Variants in RORA observed in about 807,000 individuals in gnomAD.
RORA encodes nuclear receptor ROR-alpha.
In RORA, 7 loss-of-function variants were observed where a neutral mutation model predicts 69.5. That is an observed-to-expected ratio of 0.10 (90% CI 0.06 to 0.19). The LOEUF is 0.19. RORA is among the 10% of genes least tolerant of loss of function. The pLI is 1.00. For synonymous variants in RORA, 261 were observed against 240.8 expected (o/e 1.08, Z -0.78); for missense variants, 457 against 663.0 (o/e 0.69, Z 3.41).
At chr15:61,008,207 G>C (rs62005614) in intron 1 of RORA, among the ~76,000 whole-genome samples, 2,587 of 23,604 alleles carry the variant, frequency 0.11, 17 homozygotes, top group Middle Eastern at 0.21. Context: ...CTCTCTCTGT[G>C]TGTGTGTGTG....
chr15:61,167,482 A>ATTTTTTT (rs199752865), intron 1 of RORA, among the ~76,000 whole-genome samples: 27 of 133,668 alleles, frequency 2.0e-4, no homozygotes, highest in South Asian at 7.5e-4. Context: ...TTTGACCAGG[A>ATTTTTTT]TTTTTTTTTT....
intron 1 of RORA, among the ~76,000 whole-genome samples, chr15:60,923,859 G>A (rs1236135499): frequency 5.3e-5 from 8 of 152,178 alleles, no homozygotes; most frequent in Admixed American, 5.2e-4. Flanking sequence ...GCTAGCTGTG[G>A]TTCTGCTAAG....
chr15:60,725,712 T>A (rs2071348445), intron 1 of RORA, among the ~76,000 whole-genome samples: 1 of 152,212 alleles, frequency 6.6e-6, no homozygotes, highest in Admixed American at 6.5e-5. Flanking sequence ...TGACAAGAGA[T>A]CATTGTGACT....
intron 1 of RORA, among the ~76,000 whole-genome samples, chr15:61,123,459 G>T (rs958770416): frequency 6.6e-5 from 10 of 152,134 alleles, no homozygotes; most frequent in Admixed American, 1.3e-4. Flanking sequence ...ATATTAGGGG[G>T]CACATGAAGA....
chr15:60,754,860 C>A (rs28378989), intron 1 of RORA, among the ~76,000 whole-genome samples: 31,397 of 151,982 alleles, frequency 0.21, 3,855 homozygotes, highest in African/African-American at 0.35. Context: ...CACTTCCCTT[C>A]GACTCCTTTC....
intron 1 of RORA, among the ~76,000 whole-genome samples, chr15:60,901,912 C>A (rs1208764835): frequency 1.3e-5 from 2 of 152,186 alleles, no homozygotes; most frequent in Non-Finnish European, 2.9e-5. Flanking sequence ...CGGTGCCTGA[C>A]AGATGTCAAG....
intron 1 of RORA, among the ~76,000 whole-genome samples, chr15:60,973,385 C>G (rs1278023018): frequency 3.3e-5 from 5 of 152,170 alleles, no homozygotes; most frequent in Non-Finnish European, 5.9e-5. Flanking sequence ...GAGCCACTGA[C>G]TTTTTCCTGC....
At chr15:60,604,498 T>C (rs952582006) in intron 2 of RORA, among the ~76,000 whole-genome samples, 2 of 152,246 alleles carry the variant, frequency 1.3e-5, no homozygotes, top group Non-Finnish European at 2.9e-5. Flanking sequence ...GTAAACCTGA[T>C]TCGTCACTCT....
At chr15:60,925,377 G>A (rs1892183734) in intron 1 of RORA, among the ~76,000 whole-genome samples, 2 of 152,208 alleles carry the variant, frequency 1.3e-5, no homozygotes, top group African/African-American at 4.8e-5. Context: ...ACTGAAAGGA[G>A]ACAGGCTGGA....
At chr15:60,549,026 G>A (rs1242817763) in intron 2 of RORA, among the ~76,000 whole-genome samples, 1 of 152,156 alleles carries the variant, frequency 6.6e-6, no homozygotes, top group African/African-American at 2.4e-5. Context: ...TGGTCTTGTG[G>A]AAGAAAACAG....
At chr15:60,702,615 G>C (rs567637674) in intron 1 of RORA, among the ~76,000 whole-genome samples, 1 of 152,324 alleles carries the variant, frequency 6.6e-6, no homozygotes, top group East Asian at 1.9e-4. Context: ...AATAACCTTA[G>C]GAAGTCACAT....
At chr15:60,529,459 T>C (rs2066465110) in intron 3 of RORA, 1 of 152,196 alleles carries the variant, frequency 6.6e-6, no homozygotes, top group African/African-American at 2.4e-5. Flanking sequence ...ACATGAAACA[T>C]TGTTCAAGTC....
At chr15:60,592,295 G>T in intron 2 of RORA, 1 of 945,282 alleles carries the variant, frequency 1.1e-6, no homozygotes, top group Non-Finnish European at 1.4e-6. Flanking sequence ...CGTGCGTTCG[G>T]GCAGGCGCGC....
intron 1 of RORA, among the ~76,000 whole-genome samples, chr15:60,935,202 A>T (rs570364094): frequency 6.6e-6 from 1 of 152,360 alleles, no homozygotes; most frequent in South Asian, 2.1e-4. Context: ...CTTGCCAACC[A>T]GTCATTTGTT....
Position 60,792,824 on chromosome 15 carries a change from C to T in RORA, c.167-114138G>A, listed in dbSNP as rs190548246. ...GACACCAAATGGTAACTCAGATCTA[C>T]AGGGAGGAGTGAGGATCACTGGAAA... On this transcript the variant is annotated intron_variant, in intron 1 of 10. Coordinates refer to ENST00000335670, the MANE Select transcript of RORA (RefSeq NM_134261.3). Among the ~76,000 whole-genome samples the T allele has an allele frequency of 1.1e-3, 173 of 152,290 alleles. 2 individuals are homozygous for T. The highest frequency in any genetic ancestry group is 0.011 in the Admixed American group (168 of 15,306).
intron 1 of RORA, among the ~76,000 whole-genome samples, chr15:61,065,609 G>A (rs1319400134): frequency 6.6e-6 from 1 of 152,174 alleles, no homozygotes; most frequent in Non-Finnish European, 1.5e-5. Context: ...GCCTGGGAGA[G>A]GCTGGTCAGA....
At chr15:61,098,251 C>T (rs1029866897) in intron 1 of RORA, among the ~76,000 whole-genome samples, 3 of 144,562 alleles carry the variant, frequency 2.1e-5, no homozygotes, top group Admixed American at 6.9e-5. Context: ...TCTCCCTCCC[C>T]CCTTTTTTTC....
At chr15:60,781,955 G>C (rs527549040) in intron 1 of RORA, among the ~76,000 whole-genome samples, 12 of 152,332 alleles carry the variant, frequency 7.9e-5, no homozygotes, top group African/African-American at 2.6e-4. Context: ...GGCCGGGTAC[G>C]GCGGTTCACG....
At chr15:60,911,688 G>A (rs1891722343) in intron 1 of RORA, among the ~76,000 whole-genome samples, 1 of 142,740 alleles carries the variant, frequency 7.0e-6, no homozygotes, top group South Asian at 2.3e-4. Context: ...AAAAGTGTCA[G>A]GTAACGGATT....
Sources: allele counts gnomAD v4.1 joint callset (sites outside exome capture counted in the v4.1 genomes callset), GRCh38; gene constraint gnomAD v4.1.1; transcripts MANE v1.5; gene names NCBI Gene and HGNC (gene_info 2026-07-23, HGNC 2026-07-21).